RBFOX1: variants seen among roughly 807,000 people sequenced by gnomAD.
The protein encoded by RBFOX1 is RNA binding protein fox-1 homolog 1.
A neutral mutation model predicts 57.7 loss-of-function variants in RBFOX1; 8 were observed. The ratio of observed to expected loss-of-function variants is 0.14; its 90% CI spans 0.08 to 0.25. RBFOX1 has a LOEUF of 0.25. RBFOX1 is among the 10% of genes least tolerant of loss of function. RBFOX1 has a pLI of 1.00. For synonymous variants in RBFOX1, 326 were observed against 222.4 expected (o/e 1.47, Z -4.15); for missense variants, 611 against 548.5 (o/e 1.11, Z -1.14).
upstream of RBFOX1, among the ~76,000 whole-genome samples, chr16:6,016,074 A>G (rs975328697): frequency 1.3e-5 from 2 of 152,230 alleles, no homozygotes; most frequent in Non-Finnish European, 2.9e-5. Context: ...GAAAGAAGGA[A>G]GGTTCACCTA....
intron 1 of RBFOX1, among the ~76,000 whole-genome samples, chr16:5,296,710 G>T (rs1370592032): frequency 6.8e-6 from 1 of 146,226 alleles, no homozygotes; most frequent in African/African-American, 2.6e-5. Flanking sequence ...ATGGAGTGTC[G>T]CTCCGTCATC....
chr16:6,197,852 A>C (rs972061613), intron 1 of RBFOX1, among the ~76,000 whole-genome samples: 15 of 151,926 alleles, frequency 9.9e-5, no homozygotes, highest in African/African-American at 2.9e-4. Flanking sequence ...CTTCGTGTCC[A>C]TGAGTTTCCA....
intron 3 of RBFOX1, among the ~76,000 whole-genome samples, chr16:6,862,957 C>T (rs561671616): frequency 1.3e-5 from 2 of 150,258 alleles, no homozygotes; most frequent in East Asian, 4.0e-4. Flanking sequence ...TGCACTCCAG[C>T]CTGGGCGACA....
chr16:7,565,886 A>T (rs923090608), intron 5 of RBFOX1, among the ~76,000 whole-genome samples: 4 of 152,092 alleles, frequency 2.6e-5, no homozygotes, highest in African/African-American at 9.7e-5. Context: ...TGCAGCATTC[A>T]TGTCGTGTCT....
chr16:5,321,902 G>A (rs565150627), intron 1 of RBFOX1, among the ~76,000 whole-genome samples: 3 of 152,204 alleles, frequency 2.0e-5, no homozygotes, highest in East Asian at 1.9e-4. Flanking sequence ...CTTGCTGCAC[G>A]GCCTTACGGG....
rs924874916 is a variant in RBFOX1 at position 5,914,619 on chromosome 16, G to A, written c.351+47284G>A. Among the ~76,000 whole-genome samples, 66 of 152,174 alleles carry A rather than the reference G, an allele frequency of 4.3e-4. 2 individuals are homozygous for A. Among genetic ancestry groups the A allele is most frequent in the Admixed American group, 4.0e-3 (61 of 15,274 alleles). Reference sequence around the variant, plus strand: ...AAAAGAAAAAAAAGGGAGAGAGGCCGGGCGAGGTGGCTCATGCCTGTAATC... The same window carrying A: ...AAAAGAAAAAAAAGGGAGAGAGGCCAGGCGAGGTGGCTCATGCCTGTAATC... On this transcript the variant is annotated intron_variant, in intron 4 of 19. Transcript: ENST00000641259.
At chr16:7,434,516 C>G (rs373076305) in intron 4 of RBFOX1, among the ~76,000 whole-genome samples, 4 of 151,664 alleles carry the variant, frequency 2.6e-5, no homozygotes, top group African/African-American at 4.8e-5. Flanking sequence ...AAAAAATCAT[C>G]AGGAGATGAG....
chr16:5,309,387 G>T (rs1482064146), intron 1 of RBFOX1, among the ~76,000 whole-genome samples: 1 of 152,154 alleles, frequency 6.6e-6, no homozygotes, highest in Non-Finnish European at 1.5e-5. Context: ...AAACTAGGTA[G>T]AACTTAGTGG....
intron 2 of RBFOX1, among the ~76,000 whole-genome samples, chr16:6,508,086 C>G (rs2096154296): frequency 6.6e-6 from 1 of 152,126 alleles, no homozygotes; most frequent in African/African-American, 2.4e-5. Context: ...AGCTGGAGGT[C>G]ATTATCCTTA....
intron 2 of RBFOX1, among the ~76,000 whole-genome samples, chr16:6,643,152 A>G (rs923567546): frequency 2.4e-4 from 36 of 152,328 alleles, no homozygotes; most frequent in African/African-American, 8.7e-4. Context: ...CAGTCATTTG[A>G]GACTTAAATT....
chr16:6,158,321 G>A (rs2152739337), intron 1 of RBFOX1, among the ~76,000 whole-genome samples: 1 of 152,286 alleles, frequency 6.6e-6, no homozygotes, highest in South Asian at 2.1e-4. Flanking sequence ...TCAGATATTT[G>A]TGAACAAGGC....
intron 4 of RBFOX1, among the ~76,000 whole-genome samples, chr16:5,949,936 C>A (rs1033641740): frequency 2.6e-5 from 4 of 152,114 alleles, no homozygotes; most frequent in Non-Finnish European, 5.9e-5. Flanking sequence ...TCTGACTGGC[C>A]CCCCAGATGA....
At chr16:5,450,511 C>T (rs2068390442) in intron 1 of RBFOX1, among the ~76,000 whole-genome samples, 1 of 152,194 alleles carries the variant, frequency 6.6e-6, no homozygotes, top group South Asian at 2.1e-4. Context: ...GCGGGCCTCT[C>T]TGGCATCAAA....
chr16:5,859,310 T>G (rs1235334610), intron 3 of RBFOX1, among the ~76,000 whole-genome samples: 1 of 152,248 alleles, frequency 6.6e-6, no homozygotes, highest in Non-Finnish European at 1.5e-5. Context: ...CTTCTGCTAC[T>G]GTTACAGTGA....
chr16:5,663,230 A>G (rs1053841060), intron 3 of RBFOX1, among the ~76,000 whole-genome samples: 3 of 152,182 alleles, frequency 2.0e-5, no homozygotes, highest in African/African-American at 7.2e-5. Context: ...TTTATTTTCA[A>G]GACAGAATCT....
intron 1 of RBFOX1, among the ~76,000 whole-genome samples, chr16:5,346,544 A>G (rs2151305726): frequency 6.6e-6 from 1 of 152,268 alleles, no homozygotes; most frequent in East Asian, 1.9e-4. Flanking sequence ...GGACCTTTAT[A>G]TCACCCTACA....
chr16:5,917,525 G>A (rs1293387479), intron 4 of RBFOX1, among the ~76,000 whole-genome samples: 1 of 152,184 alleles, frequency 6.6e-6, no homozygotes, highest in African/African-American at 2.4e-5. Flanking sequence ...GAATTCCCAG[G>A]TTGTTCTGAC....
chr16:5,543,066 A>G (rs554771697), intron 2 of RBFOX1, among the ~76,000 whole-genome samples: 39 of 152,350 alleles, frequency 2.6e-4, no homozygotes, highest in Non-Finnish European at 5.7e-4. Context: ...TAGAGTAAGC[A>G]TGGCTCTAGT....
At chr16:7,057,274 C>G (rs777326385) in intron 4 of RBFOX1, among the ~76,000 whole-genome samples, 12 of 152,086 alleles carry the variant, frequency 7.9e-5, no homozygotes, top group Non-Finnish European at 1.8e-4. Flanking sequence ...GTTTGGAATG[C>G]AAACAATAGA....
Sources: allele counts gnomAD v4.1 joint callset (sites outside exome capture counted in the v4.1 genomes callset), GRCh38; gene constraint gnomAD v4.1.1; transcripts MANE v1.5; gene names NCBI Gene and HGNC (gene_info 2026-07-23, HGNC 2026-07-21).